The following NXN variants were observed in gnomAD, a reference collection of about 807,000 sequenced individuals.
NXN encodes the protein nucleoredoxin 1.
Under a neutral mutation model 48.6 loss-of-function variants are expected in NXN, and 16 were observed. The ratio of observed to expected loss-of-function variants is 0.33; its 90% CI spans 0.22 to 0.50. The LOEUF is 0.50. NXN is among the 20% of genes least tolerant of loss of function. The pLI, the probability that NXN is intolerant of heterozygous loss-of-function variation, is 0.98. For synonymous variants in NXN, 281 were observed against 269.6 expected, an observed-to-expected ratio of 1.04 and a Z score of -0.41; for missense variants, 492 against 605.5, an observed-to-expected ratio of 0.81 and a Z score of 1.97.
At chr17:819,937 T>G (rs1458065175) in intron 4 of NXN, among the ~76,000 whole-genome samples, 2 of 152,130 alleles carry the variant, frequency 1.3e-5, no homozygotes, top group Non-Finnish European at 2.9e-5. Context: ...GACCTCAAAT[T>G]TAAACCAACC....
At chr17:835,764 C>T (rs1027948968) in intron 1 of NXN, among the ~76,000 whole-genome samples, 4 of 69,652 alleles carry the variant, frequency 5.7e-5, no homozygotes, top group African/African-American at 2.8e-4. Flanking sequence ...CCACAGAGGC[C>T]GCAGGGGAAA....
At chr17:829,581 C>T (rs1031826236) in intron 1 of NXN, among the ~76,000 whole-genome samples, 3 of 151,902 alleles carry the variant, frequency 2.0e-5, no homozygotes, top group African/African-American at 4.8e-5. Context: ...TTTTAAGCCC[C>T]GCATGCATTA....
chr17:922,946 C>G (rs2144955118), intron 1 of NXN, among the ~76,000 whole-genome samples: 1 of 152,140 alleles, frequency 6.6e-6, no homozygotes, highest in East Asian at 1.9e-4. Flanking sequence ...GCCACCACGC[C>G]CGGCCCACTC....
chr17:864,184 G>C (rs2068074238), intron 1 of NXN: 1 of 1,484,840 alleles, frequency 6.7e-7, no homozygotes, highest in African/African-American at 1.5e-5. Context: ...GTCTGCCGTT[G>C]CTCGGTTCCG....
chr17:850,264 G>A (rs2067909807), intron 1 of NXN, among the ~76,000 whole-genome samples: 1 of 152,144 alleles, frequency 6.6e-6, no homozygotes, highest in Non-Finnish European at 1.5e-5. Context: ...CCAGGGCCTG[G>A]GGAGGAGACA....
At chr17:961,827 T>G (rs1008721485) in intron 1 of NXN, among the ~76,000 whole-genome samples, 1 of 152,208 alleles carries the variant, frequency 6.6e-6, no homozygotes, top group Non-Finnish European at 1.5e-5. Context: ...CTCAGTGGCC[T>G]CATAAAGAAG....
chr17:832,929 C>T (rs911826372), intron 1 of NXN, among the ~76,000 whole-genome samples: 8 of 150,172 alleles, frequency 5.3e-5, no homozygotes, highest in African/African-American at 2.0e-4. Context: ...GTCTCGCTGT[C>T]CCCCAGGCTG....
Position 800,101 on chromosome 17 carries a change from G to C in NXN, c.*848C>G, listed in dbSNP as rs1415400284. On this transcript the variant is annotated 3_prime_UTR_variant, in exon 8 of 8. Transcript: ENST00000336868. ...ACTGCACTCCAGCCTGGGCGACAGAGCAAGACTCCATCTCAAAAAAAAGAA... is the reference window on the plus strand; with the variant it reads ...ACTGCACTCCAGCCTGGGCGACAGACCAAGACTCCATCTCAAAAAAAAGAA... 2 of 152,608 alleles carry C rather than the reference G, an allele frequency of 1.3e-5. No individual in the cohort carries two copies. The highest frequency in any genetic ancestry group is 2.9e-5 in the Non-Finnish European group (2 of 68,372). The allele number at this position is 152,608 out of a possible 1,614,324, so 9.5% of individuals were successfully genotyped here. A position where few individuals can be genotyped will look rare whatever the true frequency, so the allele number is the denominator to read the frequency against.
chr17:806,171 GC>G (rs2144573021), intron 5 of NXN, among the ~76,000 whole-genome samples: 1 of 119,254 alleles, frequency 8.4e-6, no homozygotes, highest in Non-Finnish European at 1.7e-5. Context: ...CCCGCCGTCT[GC>G]ACCCCAGCAC....
intron 1 of NXN, among the ~76,000 whole-genome samples, chr17:931,834 CAAAAAAA>C (rs34072582): frequency 7.5e-4 from 66 of 88,412 alleles, no homozygotes; most frequent in East Asian, 9.2e-4. Flanking sequence ...GACTCCGTCT[CAAAAAAA>C]AAAAAAAAAA....
At chr17:869,965 C>G (rs1024676832) in intron 1 of NXN, among the ~76,000 whole-genome samples, 2 of 152,152 alleles carry the variant, frequency 1.3e-5, no homozygotes, top group African/African-American at 4.8e-5. Context: ...CTTAAGCCGG[C>G]AGTTTTCAAC....
chr17:803,867 G>A, intron 6 of NXN, 61 bp from the exon 7 acceptor site: 6 of 1,591,836 alleles, frequency 3.8e-6, no homozygotes, highest in Non-Finnish European at 5.1e-6. Flanking sequence ...GTCAAACAGA[G>A]CGGCACCCGC....
At chr17:863,938 C>G (rs775772198) in intron 1 of NXN, 10 of 1,513,500 alleles carry the variant, frequency 6.6e-6, no homozygotes, top group Non-Finnish European at 8.9e-6. Context: ...TTCCCCAGAT[C>G]AGCAGCAGCA....
rs756098999 is a variant in NXN, at chr17:823,798, T to C, written c.479-33A>G. The C allele has an allele frequency of 5.0e-6, 8 of 1,612,900 alleles. No individual in the cohort carries two copies. The South Asian group carries it at 6.6e-5, about 13-fold the overall frequency. On this transcript the variant is annotated intron_variant, in intron 2 of 7. Coordinates refer to ENST00000336868, the MANE Select transcript of NXN (RefSeq NM_022463.5). ...AGAAAACAGATGGTAAAAGAGGGCT[T>C]AGACCCTTCTTGATGACCTGGGACC...
intron 1 of NXN, among the ~76,000 whole-genome samples, chr17:853,184 G>A (rs751865426): frequency 4.6e-5 from 7 of 152,144 alleles, no homozygotes; most frequent in Non-Finnish European, 8.8e-5. Context: ...GGGCACGGTG[G>A]CTCACGCCTG....
chr17:976,091 A>T (rs1382935359), intron 1 of NXN, among the ~76,000 whole-genome samples: 1 of 152,238 alleles, frequency 6.6e-6, no homozygotes, highest in Non-Finnish European at 1.5e-5. Context: ...GTGTTTTGGA[A>T]GCCAAAAAAA....
chr17:854,519 G>A (rs551492325), intron 1 of NXN, among the ~76,000 whole-genome samples: 122 of 151,984 alleles, frequency 8.0e-4, no homozygotes, highest in Non-Finnish European at 1.0e-3. Context: ...GCCAGGCGTG[G>A]TGGCGGGCAC....
chr17:807,122 A>G (rs1172423096), intron 5 of NXN, among the ~76,000 whole-genome samples: 1 of 152,106 alleles, frequency 6.6e-6, no homozygotes, highest in African/African-American at 2.4e-5. Context: ...CGCTGTGTCC[A>G]TCCATGAGGC....
intron 1 of NXN, among the ~76,000 whole-genome samples, chr17:870,053 T>G (rs1455543260): frequency 6.6e-6 from 1 of 151,680 alleles, no homozygotes; most frequent in Non-Finnish European, 1.5e-5. Context: ...CGGGGTGGAG[T>G]GTTACTGACA....
Sources: allele counts gnomAD v4.1 joint callset (sites outside exome capture counted in the v4.1 genomes callset), GRCh38; gene constraint gnomAD v4.1.1; transcripts MANE v1.5; gene names NCBI Gene and HGNC (gene_info 2026-07-23, HGNC 2026-07-21).